Variants in MSRA observed in about 807,000 individuals in gnomAD.
MSRA encodes the protein mitochondrial peptide methionine sulfoxide reductase.
MSRA carries 54 observed loss-of-function variants against 31.3 expected under a neutral mutation model. The ratio of observed to expected loss-of-function variants is 1.73; its 90% CI spans 1.39 to 2.17. MSRA has a LOEUF of 2.17. MSRA is among the 30% of genes most tolerant of loss of function. The probability of loss-of-function intolerance (pLI) is 0.00; values close to 1 mark genes in which losing one functional copy is unlikely to be tolerated. For synonymous variants in MSRA, 169 were observed against 116.5 expected (o/e 1.45, Z -2.90); for missense variants, 507 against 300.9 (o/e 1.69, Z -5.07).
At chr8:10,136,569 G>A (rs1372361286) in intron 1 of MSRA, among the ~76,000 whole-genome samples, 1 of 152,204 alleles carries the variant, frequency 6.6e-6, no homozygotes. Flanking sequence ...ATAGCACTTT[G>A]AAAAATCACA....
At chr8:10,395,690 A>T (rs926754936) in intron 5 of MSRA, among the ~76,000 whole-genome samples, 1 of 152,184 alleles carries the variant, frequency 6.6e-6, no homozygotes, top group Admixed American at 6.5e-5. Flanking sequence ...ATGTCTGCAC[A>T]TCCATTGACC....
chr8:10,334,592 C>T (rs1296619523), intron 5 of MSRA, among the ~76,000 whole-genome samples: 5 of 152,172 alleles, frequency 3.3e-5, no homozygotes, highest in Non-Finnish European at 7.3e-5. Context: ...GCCTGCACGG[C>T]CGCGGGACGC....
At chr8:10,099,128 C>T (rs983606558) in intron 1 of MSRA, among the ~76,000 whole-genome samples, 2 of 152,040 alleles carry the variant, frequency 1.3e-5, no homozygotes, top group South Asian at 2.1e-4. Flanking sequence ...AGAGAGAGTG[C>T]ATTTAACTCA....
rs762267665 is a variant in MSRA at position 10,245,212 on chromosome 8, A to T, written c.320A>T (p.Glu107Val). The T allele has an allele frequency of 5.0e-6, 8 of 1,613,274 alleles. No homozygotes were observed. Among genetic ancestry groups the T allele is most frequent in the South Asian group, 2.2e-5 (2 of 90,870 alleles). Residue 107 changes from glutamate to valine, a missense_variant, in exon 3 of 6, where the codon GAA becomes GTA. Coordinates refer to ENST00000317173, the MANE Select transcript of MSRA (RefSeq NM_012331.5). ...GGYTSNPTYK[E>V]VCSEKTGHAE... ...TATACTTCAAATCCTACTTATAAAG[A>T]AGTCTGCTCAGGTAGGAAGAATTTG...
chr8:10,055,037 C>A (rs917681913), intron 1 of MSRA, among the ~76,000 whole-genome samples: 1 of 152,216 alleles, frequency 6.6e-6, no homozygotes, highest in Non-Finnish European at 1.5e-5. Context: ...TTTCTTGTCT[C>A]CTCTGCGCCG....
At chr8:10,352,976 G>A (rs1463195624) in intron 5 of MSRA, among the ~76,000 whole-genome samples, 2 of 152,070 alleles carry the variant, frequency 1.3e-5, no homozygotes, top group South Asian at 2.1e-4. Flanking sequence ...TCTTTGCGGT[G>A]TGCTCTGAAC....
chr8:10,163,743 C>T (rs746509511), intron 1 of MSRA, among the ~76,000 whole-genome samples: 3 of 152,230 alleles, frequency 2.0e-5, no homozygotes, highest in Admixed American at 1.3e-4. Flanking sequence ...CAGCCAGAGG[C>T]GTCATCAAAG....
intron 1 of MSRA, among the ~76,000 whole-genome samples, chr8:10,073,055 G>T (rs1354156381): frequency 6.6e-6 from 1 of 151,994 alleles, no homozygotes; most frequent in African/African-American, 2.4e-5. Flanking sequence ...GTTTTAATCT[G>T]TGTGCCTTTT....
chr8:10,111,112 A>G (rs1800246435), intron 1 of MSRA, among the ~76,000 whole-genome samples: 1 of 152,172 alleles, frequency 6.6e-6, no homozygotes, highest in Non-Finnish European at 1.5e-5. Flanking sequence ...CAGTAGGACA[A>G]AAGGGTTTCC....
chr8:10,175,472 A>G (rs559440886), intron 1 of MSRA, among the ~76,000 whole-genome samples: 1 of 152,224 alleles, frequency 6.6e-6, no homozygotes, highest in Non-Finnish European at 1.5e-5. Flanking sequence ...TGACTAATTG[A>G]TAACCGAGAT....
intron 5 of MSRA, among the ~76,000 whole-genome samples, chr8:10,342,840 GAC>G (rs1199010090): frequency 2.6e-5 from 4 of 152,236 alleles, no homozygotes; most frequent in Non-Finnish European, 2.9e-5. Flanking sequence ...TCCGGTGAAA[GAC>G]AGCTTGGTTC....
intron 1 of MSRA, among the ~76,000 whole-genome samples, chr8:10,202,245 C>G (rs563284658): frequency 2.6e-4 from 39 of 152,270 alleles, no homozygotes; most frequent in African/African-American, 9.4e-4. Context: ...CTTGCCTTAG[C>G]AGAATTTCAA....
intron 3 of MSRA, among the ~76,000 whole-genome samples, chr8:10,282,022 A>T (rs1475026949): frequency 1.3e-5 from 2 of 152,216 alleles, no homozygotes; most frequent in African/African-American, 4.8e-5. Flanking sequence ...AGTGCTGGGA[A>T]CAGGGTGGGT....
At chr8:10,163,811 A>G (rs963650485) in intron 1 of MSRA, among the ~76,000 whole-genome samples, 1 of 152,218 alleles carries the variant, frequency 6.6e-6, no homozygotes, top group African/African-American at 2.4e-5. Context: ...CCAGATGGAC[A>G]CCGCATGCTG....
chr8:10,066,649 T>C (rs1215039225), intron 1 of MSRA, among the ~76,000 whole-genome samples: 1 of 152,164 alleles, frequency 6.6e-6, no homozygotes. Context: ...TTGTTCTGCC[T>C]CAGCCTTCCG....
At chr8:10,404,237 G>C (rs1278612345) in intron 5 of MSRA, among the ~76,000 whole-genome samples, 1 of 152,118 alleles carries the variant, frequency 6.6e-6, no homozygotes, top group Non-Finnish European at 1.5e-5. Flanking sequence ...TCCACAAATA[G>C]CAAGGCAGGG....
intron 5 of MSRA, among the ~76,000 whole-genome samples, chr8:10,374,289 C>G (rs1195150087): frequency 6.6e-6 from 1 of 152,120 alleles, no homozygotes; most frequent in Non-Finnish European, 1.5e-5. Flanking sequence ...TGTGATTCTC[C>G]TAAATCCAAG....
At chr8:10,116,508 C>T (rs547164776) in intron 1 of MSRA, among the ~76,000 whole-genome samples, 1 of 152,296 alleles carries the variant, frequency 6.6e-6, no homozygotes, top group East Asian at 1.9e-4. Flanking sequence ...AAGAGGTGGT[C>T]CTTGCCCTTG....
intron 5 of MSRA, among the ~76,000 whole-genome samples, chr8:10,325,161 A>G (rs1332279917): frequency 1.3e-5 from 2 of 152,218 alleles, no homozygotes; most frequent in African/African-American, 4.8e-5. Context: ...CAGGGAAGGC[A>G]GCTGACTGCA....
Sources: gnomAD v4.1 joint callset for allele counts (sites outside exome capture counted in the v4.1 genomes callset) on GRCh38, gnomAD v4.1.1 for gene constraint, MANE v1.5 for transcripts, NCBI Gene and HGNC (gene_info 2026-07-23, HGNC 2026-07-21) for gene names.